KCNIP4: variants seen among roughly 807,000 people sequenced by gnomAD.
KCNIP4 encodes Kv channel-interacting protein 4.
Under a neutral mutation model 34.0 loss-of-function variants are expected in KCNIP4, and 12 were observed. That is an observed-to-expected ratio of 0.35 (90% CI 0.23 to 0.57). KCNIP4 has a LOEUF of 0.57. Among genes scored for constraint, KCNIP4 ranks in the 20% least tolerant of loss-of-function variants. The probability of loss-of-function intolerance (pLI) is 0.83; values close to 1 mark genes in which losing one functional copy is unlikely to be tolerated. For missense variants in KCNIP4, 238 were observed against 311.7 expected, an observed-to-expected ratio of 0.76 and a Z score of 1.78; for synonymous variants, 124 against 102.2, an observed-to-expected ratio of 1.21 and a Z score of -1.29.
chr4:20,730,070 C>CTAT lies in KCNIP4; in HGVS notation c.*9_*11dup. 6.2e-7 allele frequency: 1 copy of CTAT among 1,605,738 alleles called. No homozygotes were observed. The highest frequency in any genetic ancestry group is 8.5e-7 in the Non-Finnish European group (1 of 1,177,172). On this transcript the variant is annotated 3_prime_UTR_variant, in exon 9 of 9. Transcript: ENST00000382152. ...CACATTTGTCTGTTGGATTCAGGAT[C>CTAT]TATTTGACAAGTTAAATCACATTTT...
At chr4:21,674,039 C>G (rs1749697624) in intron 1 of KCNIP4, among the ~76,000 whole-genome samples, 1 of 152,176 alleles carries the variant, frequency 6.6e-6, no homozygotes, top group Non-Finnish European at 1.5e-5. Flanking sequence ...TAAACAATGT[C>G]TTATCAGAAA....
At chr4:21,166,178 G>T (rs954524018) in intron 1 of KCNIP4, among the ~76,000 whole-genome samples, 8 of 152,126 alleles carry the variant, frequency 5.3e-5, no homozygotes, top group Admixed American at 4.6e-4. Flanking sequence ...GAGAAAACTT[G>T]TACTTAGAAT....
chr4:21,783,763 G>A (rs28409049), intron 1 of KCNIP4, among the ~76,000 whole-genome samples: 70,877 of 151,838 alleles, frequency 0.47, 18,542 homozygotes, highest in Non-Finnish European at 0.6. Context: ...TGTACATATC[G>A]GAGGAGTGGG....
chr4:21,068,160 A>T (rs1476663184), intron 1 of KCNIP4, among the ~76,000 whole-genome samples: 1 of 152,164 alleles, frequency 6.6e-6, no homozygotes, highest in African/African-American at 2.4e-5. Flanking sequence ...AACTGAGCAG[A>T]ACTGAACATG....
Position 20,988,205 on chromosome 4 carries a change from C to T in KCNIP4, c.62-105496G>A, listed in dbSNP as rs573146945. Among the ~76,000 whole-genome samples, 5 of 152,118 alleles carry T rather than the reference C, an allele frequency of 3.3e-5. No homozygotes were observed. In the East Asian group the frequency reaches 7.8e-4, roughly 24 times the overall value. ...GTTCTGCCTACTTTATCATTCACCA[C>T]CTCACTCTCAGGCCCCTCTGCACCA... On this transcript the variant is annotated intron_variant, in intron 1 of 8. Transcript: ENST00000382152.
In KCNIP4 at chr4:20,769,202, A is replaced by T. The variant is rs190470860; in HGVS notation, c.289-10312T>A. 2.2e-3 allele frequency among the ~76,000 whole-genome samples: 337 copies of T among 152,318 alleles called. 1 individual carries two copies. Among genetic ancestry groups the T allele is most frequent in the Non-Finnish European group, 3.6e-3 (247 of 68,022 alleles). On this transcript the variant is annotated intron_variant, in intron 3 of 8. Transcript: ENST00000382152. ...TAGCATCTTATAGTAAAGAAATGAG[A>T]ACTAATTGGCATTATGTATATAAAG...
At chr4:20,823,708 T>G (rs965112477) in intron 3 of KCNIP4, among the ~76,000 whole-genome samples, 9 of 152,182 alleles carry the variant, frequency 5.9e-5, no homozygotes, top group Non-Finnish European at 1.0e-4. Context: ...CTATGATCAA[T>G]AAATTTGTTG....
chr4:20,836,922 GC>G (rs1719112218), intron 3 of KCNIP4, among the ~76,000 whole-genome samples: 1 of 149,670 alleles, frequency 6.7e-6, no homozygotes, highest in Non-Finnish European at 1.5e-5. Flanking sequence ...GTAATTCTTT[GC>G]TTACTTATTA....
At chr4:21,009,839 C>T (rs145510173) in intron 1 of KCNIP4, among the ~76,000 whole-genome samples, 1 of 152,338 alleles carries the variant, frequency 6.6e-6, no homozygotes, top group East Asian at 1.9e-4. Context: ...CGTTCACCTT[C>T]CTTCTCATTC....
At position 21,731,403 on chromosome 4, in the gene KCNIP4, G is replaced by A. The variant is rs111740401; in HGVS notation, c.61+217168C>T. Among the ~76,000 whole-genome samples the A allele has an allele frequency of 7.2e-5, 11 of 152,276 alleles. 2 individuals are homozygous for A. The highest frequency in any genetic ancestry group is 2.6e-4 in the African/African-American group (11 of 41,560). On this transcript the variant is annotated intron_variant, in intron 1 of 8. Transcript: ENST00000382152. ...GACGTGATAGAGGACGGAAGGAGAG[G>A]TGGAGGAGGAGGGGGTGAAAAGATC...
intron 1 of KCNIP4, among the ~76,000 whole-genome samples, chr4:21,203,379 C>T (rs1014549723): frequency 6.6e-6 from 1 of 150,492 alleles, no homozygotes; most frequent in African/African-American, 2.5e-5. Flanking sequence ...GAGATCATTA[C>T]AGGAATCAAA....
chr4:20,907,915 GT>G (rs372806575), intron 1 of KCNIP4, among the ~76,000 whole-genome samples: 3 of 151,652 alleles, frequency 2.0e-5, no homozygotes, highest in Admixed American at 6.6e-5. Context: ...TAATCGTCAA[GT>G]TTTTTTTAGC....
intron 1 of KCNIP4, among the ~76,000 whole-genome samples, chr4:21,687,614 T>C (rs910062267): frequency 4.7e-4 from 72 of 152,330 alleles, no homozygotes; most frequent in African/African-American, 1.7e-3. Flanking sequence ...GTAATTTTTA[T>C]GGAGAAAACT....
At chr4:21,339,546 A>G (rs547425593) in intron 1 of KCNIP4, among the ~76,000 whole-genome samples, 2 of 152,338 alleles carry the variant, frequency 1.3e-5, no homozygotes, top group East Asian at 3.9e-4. Flanking sequence ...TTTCCTGAAT[A>G]TAGGTAATAG....
chr4:21,231,560 C>A (rs1758788274), intron 1 of KCNIP4, among the ~76,000 whole-genome samples: 1 of 151,922 alleles, frequency 6.6e-6, no homozygotes, highest in Non-Finnish European at 1.5e-5. Flanking sequence ...TAAAACTGTG[C>A]CTTGGTATTG....
chr4:21,318,636 C>T (rs1254957577), intron 1 of KCNIP4, among the ~76,000 whole-genome samples: 3 of 152,060 alleles, frequency 2.0e-5, no homozygotes, highest in African/African-American at 4.8e-5. Flanking sequence ...ACACACTACT[C>T]GTGTTTTTTT....
At chr4:21,289,652 A>G (rs1369978240) in intron 1 of KCNIP4, among the ~76,000 whole-genome samples, 2 of 152,202 alleles carry the variant, frequency 1.3e-5, no homozygotes, top group African/African-American at 4.8e-5. Context: ...ATTTAATGGA[A>G]TCTTTGCACT....
At chr4:20,856,333 C>A (rs1721565537) in intron 2 of KCNIP4, among the ~76,000 whole-genome samples, 1 of 152,186 alleles carries the variant, frequency 6.6e-6, no homozygotes, top group Admixed American at 6.5e-5. Context: ...TCCTTTTCCA[C>A]CTGTTAAAAT....
chr4:21,235,194 T>C (rs1759266560), intron 1 of KCNIP4, among the ~76,000 whole-genome samples: 2 of 152,142 alleles, frequency 1.3e-5, no homozygotes, highest in African/African-American at 4.8e-5. Flanking sequence ...CACAATTAAA[T>C]GATATGCTAA....
Sources: gnomAD v4.1 joint callset for allele counts (sites outside exome capture counted in the v4.1 genomes callset) on GRCh38, gnomAD v4.1.1 for gene constraint, MANE v1.5 for transcripts, NCBI Gene and HGNC (gene_info 2026-07-23, HGNC 2026-07-21) for gene names.